The following COA1 variants were observed in gnomAD, a reference collection of about 807,000 sequenced individuals.
COA1 encodes cytochrome c oxidase assembly factor 1, also known as cytochrome c oxidase assembly factor 1 homolog.
Under a neutral mutation model 16.0 loss-of-function variants are expected in COA1, and 13 were observed. The ratio of observed to expected loss-of-function variants is 0.81; its 90% CI spans 0.53 to 1.29. The LOEUF is 1.29. Among genes scored for constraint, COA1 ranks in the 50% most tolerant of loss-of-function variants. The probability of loss-of-function intolerance (pLI) is 0.00; values close to 1 mark genes in which losing one functional copy is unlikely to be tolerated. For missense variants in COA1, 179 were observed against 177.0 expected, an observed-to-expected ratio of 1.01 and a Z score of -0.06; for synonymous variants, 65 against 65.7, an observed-to-expected ratio of 0.99 and a Z score of 0.05.
chr7:43,724,108 G>C (rs899643797), intron 1 of COA1, among the ~76,000 whole-genome samples: 3 of 152,134 alleles, frequency 2.0e-5, no homozygotes, highest in African/African-American at 7.2e-5. Context: ...AGGTAAACGT[G>C]ATAATCCATG....
In COA1 at chr7:43,644,761, G is replaced by GATAGATAGATAGATAGAT. The variant is rs59592633; in HGVS notation, c.264+489_264+490insATCTATCTATCTATCTAT. Among the ~76,000 whole-genome samples, 5 of 90,198 alleles carry GATAGATAGATAGATAGAT rather than the reference G, an allele frequency of 5.5e-5. No homozygotes were observed. In the East Asian group the frequency reaches 7.1e-4, roughly 13 times the overall value. 59.2% of individuals were successfully genotyped at this position (90,198 alleles called of 152,430 possible). ...AGATAGATAGATAGATAGATAGATA[G>GATAGATAGATAGATAGAT]GCAGGCAGGCAGGCAGGCAGGCAGG... is the stretch of plus-strand genomic sequence containing the variant. On this transcript the variant is annotated intron_variant, in intron 4 of 5. Coordinates refer to ENST00000223336, the MANE Select transcript of COA1 (RefSeq NM_018224.4).
intron 6 of COA1, chr7:43,625,880 T>A (rs2084473472): frequency 6.6e-6 from 1 of 152,180 alleles, no homozygotes; most frequent in South Asian, 2.1e-4. Context: ...AAACATTTAC[T>A]TTGTCCATAA....
intron 6 of COA1, among the ~76,000 whole-genome samples, chr7:43,615,704 T>C (rs1056737001): frequency 6.6e-6 from 1 of 152,062 alleles, no homozygotes; most frequent in Non-Finnish European, 1.5e-5. Context: ...CTCCCACCAC[T>C]CGTACCCCTT....
intron 6 of COA1, chr7:43,619,634 G>T (rs1298795666): frequency 1.9e-6 from 3 of 1,613,924 alleles, no homozygotes; most frequent in Non-Finnish European, 1.7e-6. Context: ...TCTCCATTGG[G>T]TGACATTAAG....
chr7:43,636,453 A>C (rs555193777), downstream of COA1, among the ~76,000 whole-genome samples: 9 of 152,296 alleles, frequency 5.9e-5, no homozygotes, highest in African/African-American at 1.4e-4. Flanking sequence ...ATATTTATTC[A>C]TATTTTTCAG....
chr7:43,682,636 A>G (rs1035671852), intron 1 of COA1, among the ~76,000 whole-genome samples: 6 of 152,232 alleles, frequency 3.9e-5, no homozygotes, highest in Admixed American at 6.5e-5. Flanking sequence ...CACATCACTT[A>G]AAGTTTGAAC....
chr7:43,689,181 T>C (rs2094167435), intron 1 of COA1, among the ~76,000 whole-genome samples: 1 of 152,230 alleles, frequency 6.6e-6, no homozygotes, highest in African/African-American at 2.4e-5. Context: ...AGTGATTCCA[T>C]TTGAGCACAG....
intron 1 of COA1, among the ~76,000 whole-genome samples, chr7:43,721,957 A>G (rs1455640017): frequency 6.6e-6 from 1 of 152,202 alleles, no homozygotes; most frequent in African/African-American, 2.4e-5. Flanking sequence ...GACATACTTA[A>G]ATATGGATGT....
intron 4 of COA1, chr7:43,641,626 G>C (rs2087143767): frequency 6.6e-6 from 1 of 152,094 alleles, no homozygotes; most frequent in African/African-American, 2.4e-5. Context: ...CTAAAGAACA[G>C]GCTTTAAAGA....
intron 6 of COA1, among the ~76,000 whole-genome samples, chr7:43,613,478 G>A (rs779232890): frequency 1.3e-5 from 2 of 152,094 alleles, no homozygotes; most frequent in Admixed American, 6.5e-5. Context: ...AATCCCCACT[G>A]ATACCATGGG....
chr7:43,689,927 T>TGAAAAAAAAA (rs1487185424), intron 1 of COA1, among the ~76,000 whole-genome samples: 1 of 151,914 alleles, frequency 6.6e-6, no homozygotes, highest in Admixed American at 6.6e-5. Flanking sequence ...GGAGATAAAA[T>TGAAAAAAAAA]GAAATCACTA....
At chr7:43,715,210 C>T (rs2095361691) in intron 1 of COA1, among the ~76,000 whole-genome samples, 1 of 151,982 alleles carries the variant, frequency 6.6e-6, no homozygotes, top group East Asian at 1.9e-4. Context: ...GGAAAAAATT[C>T]ATACATTTAA....
rs376882360 is a variant in COA1, at chr7:43,639,624, G to C, written c.399C>G (p.Phe133Leu). 1 of 1,614,002 alleles carries C rather than the reference G, an allele frequency of 6.2e-7. No individual in the cohort carries two copies. Among genetic ancestry groups the C allele is most frequent in the Non-Finnish European group, 8.5e-7 (1 of 1,179,956 alleles). Residue 133 changes from phenylalanine (F) to leucine (L), a missense_variant, in exon 6 of 6, where the codon TTC (phenylalanine) becomes TTG (leucine). Physicochemically the swap from Phe to Leu is conservative, Grantham distance 22. Coordinates refer to ENST00000223336, the MANE Select transcript of COA1 (RefSeq NM_018224.4). ...ELKDGQQIPV[F>L]KLSGENGDEV... ...CATCACCGTTTTCCCCACTGAGCTTGAACACAGGAATCTGCTGACCATCCT... is the reference window on the plus strand; with the variant it reads ...CATCACCGTTTTCCCCACTGAGCTTCAACACAGGAATCTGCTGACCATCCT...
intron 6 of COA1, among the ~76,000 whole-genome samples, chr7:43,615,509 C>G (rs541221889): frequency 6.6e-6 from 1 of 151,996 alleles, no homozygotes; most frequent in Non-Finnish European, 1.5e-5. Context: ...TATTAACATA[C>G]GAAAACTAAA....
At chr7:43,612,932 T>C (rs2083008604) in intron 6 of COA1, among the ~76,000 whole-genome samples, 1 of 152,114 alleles carries the variant, frequency 6.6e-6, no homozygotes. Flanking sequence ...ATATATAAAA[T>C]GTTGCAGAAA....
At chr7:43,647,443 T>C (rs767892884) in intron 3 of COA1, 92 bp downstream of exon 3, 1 of 927,556 alleles carries the variant, frequency 1.1e-6, no homozygotes. Context: ...CTTTCTCTAA[T>C]CTAAACAAAG....
At chr7:43,636,183 G>A (rs1267284574), downstream of COA1, among the ~76,000 whole-genome samples, 2 of 152,162 alleles carry the variant, frequency 1.3e-5, no homozygotes, top group Admixed American at 6.5e-5. Context: ...TAACATGGGC[G>A]CAGTTTTTCT....
intron 1 of COA1, among the ~76,000 whole-genome samples, chr7:43,682,891 C>T (rs1354968554): frequency 1.3e-5 from 2 of 152,148 alleles, no homozygotes; most frequent in Admixed American, 1.3e-4. Flanking sequence ...GCTCTGTCGC[C>T]CAGGCTGGAG....
intron 4 of COA1, among the ~76,000 whole-genome samples, chr7:43,642,600 GAA>G (rs2087474295): frequency 6.6e-6 from 1 of 152,202 alleles, no homozygotes. Context: ...GAAGGAGAAA[GAA>G]ATGGGCAGAA....
Sources: gnomAD v4.1 joint callset for allele counts (sites outside exome capture counted in the v4.1 genomes callset) on GRCh38, gnomAD v4.1.1 for gene constraint, MANE v1.5 for transcripts, NCBI Gene and HGNC (gene_info 2026-07-23, HGNC 2026-07-21) for gene names.